Variants in ELP1 observed in about 807,000 individuals in gnomAD.
The protein encoded by ELP1 is elongator complex protein 1.
A neutral mutation model predicts 183.2 loss-of-function variants in ELP1; 131 were observed. That is an observed-to-expected ratio of 0.72 (90% CI 0.62 to 0.83). ELP1 has a LOEUF of 0.83. ELP1 is among the 40% of genes least tolerant of loss of function. The pLI is 0.00. For synonymous variants in ELP1, 555 were observed against 569.0 expected (o/e 0.98, Z 0.35); for missense variants, 1,550 against 1,594.9 (o/e 0.97, Z 0.48).
intron 12 of ELP1, 139 bp downstream of exon 12, chr9:108,910,871 T>C: frequency 1.5e-6 from 1 of 661,974 alleles, no homozygotes; most frequent in Non-Finnish European, 2.7e-6. Context: ...TTAAATATCA[T>C]AATGATAATG....
chr9:108,933,553 C>G (rs991929083), intron 1 of ELP1, among the ~76,000 whole-genome samples: 2 of 152,234 alleles, frequency 1.3e-5, no homozygotes, highest in African/African-American at 4.8e-5. Flanking sequence ...CTCTATTAAC[C>G]GCCGCCTTCC....
Position 108,919,310 on chromosome 9 carries a change from C to T in ELP1, c.592G>A (p.Val198Ile). Residue 198 changes from valine to isoleucine, a missense_variant, in exon 7 of 37, where the codon GTT becomes ATT. Transcript: ENST00000374647. Reference protein sequence around the residue: ...ALPWDDHRPQVTWRGDGQFFA... With the variant: ...ALPWDDHRPQITWRGDGQFFA... ...AACTGTCCATCCCCCCGCCAGGTAA[C>T]TTGTGGTCTATGGTCATCCCAGGGC... is the stretch of plus-strand genomic sequence containing the variant. 3 of 1,613,926 alleles carry T rather than the reference C, an allele frequency of 1.9e-6. No homozygotes were observed. The highest frequency in any genetic ancestry group is 2.5e-6 in the Non-Finnish European group (3 of 1,179,900).
Position 108,911,034 on chromosome 9 carries a change from T to A in ELP1, c.1336A>T (p.Asn446Tyr). The change falls in exon 12 of 37, where the codon AAC becomes TAC. Residue 446 changes from asparagine (N) to tyrosine (Y), a missense_variant. Transcript: ENST00000374647. The part of the protein sequence containing the change: ...SNDLAVLDAS[N>Y]QISVYKCGDC... ...CCACATTTATAAACAGAAATCTGGT[T>A]ACTGGCATCTAGAACAGCAAGGTCA... 1.9e-6 allele frequency: 3 copies of A among 1,614,154 alleles called. 1 individual carries two copies. In the South Asian group the frequency reaches 3.3e-5, roughly 18 times the overall value.
chr9:108,933,999 C>T lies in ELP1; in HGVS notation c.-191G>A, dbSNP rs1587931760. On this transcript the variant is annotated 5_prime_UTR_variant, in exon 1 of 37. Transcript: ENST00000374647. Reference sequence around the variant, plus strand: ...CACGCGTCTCTGTCCGCGGCTCCCGCTCTCTCTCCGACGGCACTAGGCCTC... The same window carrying T: ...CACGCGTCTCTGTCCGCGGCTCCCGTTCTCTCTCCGACGGCACTAGGCCTC... The T allele has an allele frequency of 6.4e-6, 1 of 156,028 alleles. No homozygotes were observed. 9.7% of individuals were successfully genotyped at this position (156,028 alleles called of 1,614,324 possible).
chr9:108,927,617 A>C (rs1328985513), intron 3 of ELP1, among the ~76,000 whole-genome samples, 164 bp from the exon 4 acceptor site: 1 of 152,260 alleles, frequency 6.6e-6, no homozygotes, highest in African/African-American at 2.4e-5. Flanking sequence ...CACAATAGCT[A>C]AGATTTGGAA....
In ELP1 at chr9:108,880,130, T is replaced by C; in HGVS notation, c.3382A>G (p.Thr1128Ala). The C allele has an allele frequency of 1.2e-6, 2 of 1,614,040 alleles. No homozygotes were observed. Among genetic ancestry groups the C allele is most frequent in the South Asian group, 2.2e-5 (2 of 91,070 alleles). The change falls in exon 32 of 37, where the codon ACA (threonine) becomes GCA (alanine). Residue 1128 changes from threonine (T) to alanine (A), a missense_variant. Thr to Ala is a moderately conservative substitution (Grantham distance 58). Coordinates refer to ENST00000374647, the MANE Select transcript of ELP1 (RefSeq NM_003640.5). The part of the protein sequence containing the change: ...KNYMAFLDSQ[T>A]ATFSRHKKRL... Reference sequence around the variant, plus strand: ...TTCTTGTGGCGACTGAATGTGGCTGTCTGAGAGTCCAGAAATGCCATATAA... The same window carrying C: ...TTCTTGTGGCGACTGAATGTGGCTGCCTGAGAGTCCAGAAATGCCATATAA...
In ELP1 at chr9:108,903,657, C is replaced by T. The variant is rs200535861; in HGVS notation, c.1656G>A (p.Ala552=). The change falls in exon 15 of 37, where the codon GCG becomes GCA. Residue 552 remains alanine, a synonymous_variant. Coordinates refer to ENST00000374647, the MANE Select transcript of ELP1 (RefSeq NM_003640.5). Reference sequence around the variant, plus strand: ...ATAGACTGATTATGACCCCATCCACCGCTGCAGATGAACTGACAAAAAAAA... The same window carrying T: ...ATAGACTGATTATGACCCCATCCACTGCTGCAGATGAACTGACAAAAAAAA... ...HGQLNVSSSA[A]VDGVIISLCC... is the part of the protein sequence containing the mutation. 47 of 1,613,436 alleles carry T rather than the reference C, an allele frequency of 2.9e-5. No homozygotes were observed. The highest frequency in any genetic ancestry group is 6.7e-5 in the African/African-American group (5 of 74,982).
At chr9:108,891,128 TG>T in intron 28 of ELP1, 74 bp downstream of exon 28, 1 of 1,447,892 alleles carries the variant, frequency 6.9e-7, no homozygotes, top group East Asian at 2.3e-5. Context: ...TAAATTTATT[TG>T]CAAAATTACC....
chr9:108,897,104 A>G lies in ELP1; in HGVS notation c.2501+44T>C, dbSNP rs766358296. The G allele has an allele frequency of 2.0e-5, 33 of 1,614,078 alleles. No homozygotes were observed. The South Asian group carries it at 3.4e-4, about 17-fold the overall frequency. On this transcript the variant is annotated intron_variant, in intron 23 of 36. Coordinates refer to ENST00000374647, the MANE Select transcript of ELP1 (RefSeq NM_003640.5). Reference sequence around the variant, plus strand: ...GTAGGCTGGACAAGGACAACTACACACTTCGGTTTTTCAAAGGATGCCACC... The same window carrying G: ...GTAGGCTGGACAAGGACAACTACACGCTTCGGTTTTTCAAAGGATGCCACC...
intron 2 of ELP1, 82 bp from the exon 3 acceptor site, chr9:108,930,003 T>C: frequency 1.4e-6 from 2 of 1,480,156 alleles, no homozygotes. Context: ...TACTTTTTAA[T>C]GCTTCTTTTA....
chr9:108,901,555 T>C (rs376972806), intron 17 of ELP1, 25 bp from the exon 18 acceptor site: 586 of 1,611,188 alleles, frequency 3.6e-4, no homozygotes, highest in Non-Finnish European at 4.8e-4. Context: ...CAGAGAGGCA[T>C]GGGTGAAAGC....
intron 13 of ELP1, among the ~76,000 whole-genome samples, chr9:108,907,559 A>G (rs1829065409): frequency 6.6e-6 from 1 of 152,190 alleles, no homozygotes; most frequent in Non-Finnish European, 1.5e-5. Context: ...ATTTCTATTA[A>G]TCTAACAATA....
rs1827760830 is a variant in ELP1, at chr9:108,877,928, GATTGTGTGAATACAATA to G, written c.3855+50_3855+66del. The G allele has an allele frequency of 5.2e-6, 8 of 1,534,626 alleles. No homozygotes were observed. In the East Asian group the frequency reaches 1.8e-4, roughly 34 times the overall value. ...GAACAGGAAAACTTTTTGACTTGGA[GATTGTGTGAATACAATA>G]ACCCATGAAAATGATGAAAAAAATG... On this transcript the variant is annotated intron_variant, in intron 35 of 36. Transcript: ENST00000374647.
At chr9:108,878,523 G>T (rs756826210) in intron 34 of ELP1, 100 bp downstream of exon 34, 2 of 1,493,028 alleles carry the variant, frequency 1.3e-6, no homozygotes, top group African/African-American at 1.4e-5. Context: ...TCCTCAAATT[G>T]GGAAAATGGT....
intron 33 of ELP1, 43 bp downstream of exon 33, chr9:108,879,403 T>A (rs375580294): frequency 8.3e-6 from 12 of 1,440,192 alleles, no homozygotes; most frequent in Non-Finnish European, 9.8e-6. Flanking sequence ...TTTCCCTATA[T>A]GCCCAGGATA....
At position 108,898,711 on chromosome 9, in the gene ELP1, A is replaced by C. The variant is rs1034776233; in HGVS notation, c.2243T>G (p.Leu748Arg). 3.7e-5 allele frequency: 59 copies of C among 1,612,928 alleles called. No homozygotes were observed. Among genetic ancestry groups the C allele is most frequent in the Non-Finnish European group, 4.2e-5 (50 of 1,179,468 alleles). ...FKEAFECMRK[L>R]RINLNLIYDH... ...ATAAATCAGATTGAGATTGATTCTC[A>C]GCTTTCTCATGCATTCAAATGCCTC... The change falls in exon 21 of 37, where the codon CTG (leucine) becomes CGG (arginine). Residue 748 changes from leucine to arginine, a missense_variant. Coordinates refer to ENST00000374647, the MANE Select transcript of ELP1 (RefSeq NM_003640.5).
chr9:108,896,837 A>G (rs772275232), intron 24 of ELP1, 116 bp downstream of exon 24: 95 of 1,124,634 alleles, frequency 8.4e-5, no homozygotes, highest in Non-Finnish European at 1.2e-4. Context: ...TAAAATGGCA[A>G]CTAAAAAGTC....
chr9:108,878,077 G>T lies in ELP1; in HGVS notation c.3773C>A (p.Ala1258Asp), dbSNP rs763298552. 1.2e-6 allele frequency: 2 copies of T among 1,613,496 alleles called. No homozygotes were observed. The highest frequency in any genetic ancestry group is 1.7e-6 in the Non-Finnish European group (2 of 1,179,446). Residue 1258 changes from alanine (A) to aspartate (D), a missense_variant, in exon 35 of 37, where the codon GCC (alanine) becomes GAC (aspartate). By Grantham distance (126) the Ala-to-Asp change is moderately radical (BLOSUM62 -2). Coordinates refer to ENST00000374647, the MANE Select transcript of ELP1 (RefSeq NM_003640.5). ...FDEQGRELQK[A>D]FEDTLQLMER... is the part of the protein sequence containing the mutation. ...CATCAACTGCAGCGTATCTTCAAAG[G>T]CCTTCTGTAATTCCCTTCCTTGTTC... is the stretch of plus-strand genomic sequence containing the variant.
rs764056417 is a variant in ELP1 at position 108,880,134 on chromosome 9, A to G, written c.3378T>C (p.Ser1126=). 4 of 1,613,996 alleles carry G rather than the reference A, an allele frequency of 2.5e-6. No homozygotes were observed. The East Asian group carries it at 6.7e-5, about 27-fold the overall frequency. The change falls in exon 32 of 37, where the codon TCT becomes TCC. Residue 1126 remains serine (S), a synonymous_variant. Transcript: ENST00000374647. Reference sequence around the variant, plus strand: ...TGTGGCGACTGAATGTGGCTGTCTGAGAGTCCAGAAATGCCATATAATTTT... The same window carrying G: ...TGTGGCGACTGAATGTGGCTGTCTGGGAGTCCAGAAATGCCATATAATTTT... ...AQKNYMAFLD[S]QTATFSRHKK...
Sources: allele counts gnomAD v4.1 joint callset (sites outside exome capture counted in the v4.1 genomes callset), GRCh38; gene constraint gnomAD v4.1.1; transcripts MANE v1.5; gene names NCBI Gene and HGNC (gene_info 2026-07-23, HGNC 2026-07-21).